Variants in SRCIN1 observed in about 807,000 individuals in gnomAD.
SRCIN1 encodes P130Cas-associated protein.
In SRCIN1, 50 loss-of-function variants were observed where a neutral mutation model predicts 116.2. The observed-to-expected ratio is 0.43, with a 90% CI of 0.34 to 0.54. SRCIN1 has a LOEUF of 0.54. Among genes scored for constraint, SRCIN1 ranks in the 20% least tolerant of loss-of-function variants. SRCIN1 has a pLI of 0.02. For missense variants in SRCIN1, 1,446 were observed against 1,672.0 expected (o/e 0.86, Z 2.36); for synonymous variants, 736 against 750.0 (o/e 0.98, Z 0.30).
At chr17:38,540,928 ATACTT>A (rs1478101563) in intron 18 of SRCIN1, among the ~76,000 whole-genome samples, 1 of 152,104 alleles carries the variant, frequency 6.6e-6, no homozygotes, top group African/African-American at 2.4e-5. Flanking sequence ...CTGCTTCTCT[ATACTT>A]TACTGTTGAA....
At chr17:38,592,786 G>C (rs751842847) in intron 1 of SRCIN1, among the ~76,000 whole-genome samples, 21 of 152,162 alleles carry the variant, frequency 1.4e-4, no homozygotes, top group Admixed American at 6.5e-4. Flanking sequence ...ATTTAGCAAG[G>C]ATCACACTGT....
chr17:38,559,123 G>C (rs2143160587), intron 10 of SRCIN1: 1 of 178,630 alleles, frequency 5.6e-6, no homozygotes, highest in East Asian at 1.6e-4. Context: ...GCTCCTGACA[G>C]GTGGGACCAT....
At position 38,559,574 on chromosome 17, in the gene SRCIN1, C is replaced by G. The variant is rs780901553; in HGVS notation, c.2025+11G>C. The G allele has an allele frequency of 1.9e-6, 3 of 1,596,212 alleles. No homozygotes were observed. The highest frequency in any genetic ancestry group is 1.7e-5 in the Admixed American group (1 of 59,596). On this transcript the variant is annotated intron_variant, in intron 10 of 18. Transcript: ENST00000617146. ...GGCGTTGGTGGGGCGGGGCCCAGGA[C>G]GGGGCGGTACCTGGAGCTTGCGCAA...
chr17:38,556,295 G>A (rs369425006), intron 11 of SRCIN1, among the ~76,000 whole-genome samples: 16 of 152,378 alleles, frequency 1.1e-4, no homozygotes, highest in African/African-American at 1.4e-4. Flanking sequence ...CCGCGTGACC[G>A]CACACGTGGC....
In SRCIN1 at chr17:38,572,768, CCGGCCGCCTCCGCAGCCG is replaced by C. The variant is rs1007254184; in HGVS notation, c.325-4555_325-4538del. 19 of 152,920 alleles carry C rather than the reference CCGGCCGCCTCCGCAGCCG, an allele frequency of 1.2e-4. No homozygotes were observed. In the East Asian group the frequency reaches 3.1e-3, roughly 25 times the overall value. 9.5% of individuals were successfully genotyped at this position (152,920 alleles called of 1,614,324 possible). A position where few individuals can be genotyped will look rare whatever the true frequency, so the allele number is the denominator to read the frequency against. Reference sequence around the variant, plus strand: ...CCACCCGCCCGGGCTCTTCTCTCCCCCGGCCGCCTCCGCAGCCGCGGCCGCCGCCGCCGGTGCCCTTTG... The same window carrying C: ...CCACCCGCCCGGGCTCTTCTCTCCCCCGGCCGCCGCCGCCGGTGCCCTTTG... On this transcript the variant is annotated intron_variant, in intron 2 of 18. Transcript: ENST00000617146. This position sits in a 1 kb window ranked among gnomAD's most constrained non-coding sequence, Gnocchi z 4.3.
In SRCIN1 at chr17:38,532,287, C is replaced by T. The variant is rs1487767276; in HGVS notation, c.*1010G>A. On this transcript the variant is annotated 3_prime_UTR_variant, in exon 19 of 19. Transcript: ENST00000617146. The surrounding 1 kb of genome is among the most constrained non-coding windows in gnomAD (Gnocchi z 4.3). The stretch of plus-strand genomic sequence containing the variant: ...TGTCTTCAGTGCTCCCCGTCAAGCC[C>T]CTCTCGACCCTCCCATTTCCCTCAA... The T allele has an allele frequency of 6.6e-6, 1 of 152,576 alleles. No homozygotes were observed. Among genetic ancestry groups the T allele is most frequent in the Non-Finnish European group, 1.5e-5 (1 of 68,072 alleles). The allele number at this position is 152,576 out of a possible 1,614,324, so 9.5% of individuals were successfully genotyped here.
At chr17:38,537,053 C>T (rs913625583) in intron 18 of SRCIN1, among the ~76,000 whole-genome samples, 3 of 152,022 alleles carry the variant, frequency 2.0e-5, no homozygotes, top group Non-Finnish European at 4.4e-5. Context: ...TGGCGTGCAC[C>T]TGTAGTCCCA....
chr17:38,562,464 G>A lies in SRCIN1; in HGVS notation c.835-136C>T, dbSNP rs1906337704. ...CTCTGCCCTCCCTCCATCCTGCTGC[G>A]TCTAGGGTCCCTTTCCCATCAGGGT... On this transcript the variant is annotated intron_variant, in intron 6 of 18. Transcript: ENST00000617146. This position sits in a 1 kb window ranked among gnomAD's most constrained non-coding sequence, Gnocchi z 4.2. 9.1e-7 allele frequency: 1 copy of A among 1,096,528 alleles called. No homozygotes were observed. Among genetic ancestry groups the A allele is most frequent in the East Asian group, 3.1e-5 (1 of 32,478 alleles). 67.9% of individuals were successfully genotyped at this position (1,096,528 alleles called of 1,614,324 possible).
At chr17:38,542,057 G>T (rs1417132346) in intron 18 of SRCIN1, 1 of 151,690 alleles carries the variant, frequency 6.6e-6, no homozygotes, top group East Asian at 1.9e-4. Context: ...AGGTGTGGGG[G>T]GGGTCTACAA....
rs777161755 is a variant in SRCIN1, at chr17:38,558,372, G to T, written c.2056C>A (p.Leu686Met). The T allele has an allele frequency of 1.2e-6, 2 of 1,605,472 alleles. No homozygotes were observed. The highest frequency in any genetic ancestry group is 1.7e-6 in the Non-Finnish European group (2 of 1,179,252). The change falls in exon 11 of 19, where the codon CTG becomes ATG. Residue 686 changes from leucine to methionine, a missense_variant. Transcript: ENST00000617146. The surrounding 1 kb of genome is among the most constrained non-coding windows in gnomAD (Gnocchi z 4.6). ...LQNQESVRAL[L>M]KRTEAELSMR... ...CTCAGCTCTGCCTCCGTGCGCTTCA[G>T]CAGCGCGCGCACCGACTCCTGGTTC... is the stretch of plus-strand genomic sequence containing the variant.
intron 15 of SRCIN1, among the ~76,000 whole-genome samples, chr17:38,550,480 A>G (rs1278194727): frequency 1.3e-5 from 2 of 152,068 alleles, no homozygotes; most frequent in African/African-American, 4.8e-5. Flanking sequence ...GGCGACAGAG[A>G]CAGACCCCGT....
Position 38,585,845 on chromosome 17 carries a change from G to A in SRCIN1, c.23-7054C>T, listed in dbSNP as rs1311814508. 6.6e-6 allele frequency among the ~76,000 whole-genome samples: 1 copy of A among 152,174 alleles called. No individual in the cohort carries two copies. The highest frequency in any genetic ancestry group is 1.5e-5 in the Non-Finnish European group (1 of 68,028). The stretch of plus-strand genomic sequence containing the variant: ...GAGATGAGGGCGTGTGATGGGGGAA[G>A]GGCGATGGGGGGAAGGAGGCAGCTG... On this transcript the variant is annotated intron_variant, in intron 1 of 18. Coordinates refer to ENST00000617146, the MANE Select transcript of SRCIN1 (RefSeq NM_025248.3). The surrounding 1 kb of genome is among the most constrained non-coding windows in gnomAD (Gnocchi z 4.2).
chr17:38,587,987 C>T (rs1036312423), intron 1 of SRCIN1, among the ~76,000 whole-genome samples: 4 of 152,024 alleles, frequency 2.6e-5, no homozygotes, highest in Non-Finnish European at 5.9e-5. Flanking sequence ...ACCACTGCAT[C>T]CACTGACTAG....
intron 1 of SRCIN1, among the ~76,000 whole-genome samples, chr17:38,598,048 C>T (rs943667989): frequency 8.5e-5 from 13 of 152,238 alleles, no homozygotes; most frequent in East Asian, 3.9e-4. Context: ...AGCCCCTTCA[C>T]GTTTTACCAA....
chr17:38,558,507 G>A lies in SRCIN1; in HGVS notation c.2026-105C>T. ...AGAGGACTGCCCAATCCAGGGCGGGGCTCTGCAGAAGAAGCGGCTGCTTGG... is the reference window on the plus strand; with the variant it reads ...AGAGGACTGCCCAATCCAGGGCGGGACTCTGCAGAAGAAGCGGCTGCTTGG... On this transcript the variant is annotated intron_variant, in intron 10 of 18. Transcript: ENST00000617146. The surrounding 1 kb of genome is among the most constrained non-coding windows in gnomAD (Gnocchi z 4.6). The A allele has an allele frequency of 1.5e-6, 2 of 1,356,686 alleles. No homozygotes were observed. The highest frequency in any genetic ancestry group is 9.8e-7 in the Non-Finnish European group (1 of 1,016,784). 84.0% of individuals were successfully genotyped at this position (1,356,686 alleles called of 1,614,324 possible). A position where few individuals can be genotyped will look rare whatever the true frequency, so the allele number is the denominator to read the frequency against.
At chr17:38,594,796 T>C (rs1202598318) in intron 1 of SRCIN1, among the ~76,000 whole-genome samples, 1 of 152,024 alleles carries the variant, frequency 6.6e-6, no homozygotes, top group African/African-American at 2.4e-5. Flanking sequence ...GACTCTCAAG[T>C]CCAATGCTCC....
rs1198827061 is a variant in SRCIN1 at position 38,558,468 on chromosome 17, G to A, written c.2026-66C>T. The A allele has an allele frequency of 2.6e-6, 4 of 1,515,462 alleles. No individual in the cohort carries two copies. The highest frequency in any genetic ancestry group is 4.9e-5 in the East Asian group (2 of 40,570). The allele number at this position is 1,515,462 out of a possible 1,614,324, so 93.9% of individuals were successfully genotyped here. The stretch of plus-strand genomic sequence containing the variant: ...GGAGCCGCGAGGCAGGGGAAGGGCC[G>A]GGAGAAGGCGGGTAGAGGACTGCCC... On this transcript the variant is annotated intron_variant, in intron 10 of 18. Transcript: ENST00000617146. The surrounding 1 kb of genome is among the most constrained non-coding windows in gnomAD (Gnocchi z 4.6).
rs372888061 is a variant in SRCIN1 at position 38,563,505 on chromosome 17, C to T, written c.558G>A (p.Gln186=). 9.7e-6 allele frequency: 15 copies of T among 1,551,326 alleles called. No individual in the cohort carries two copies. The African/African-American group carries it at 1.5e-4, about 16-fold the overall frequency. The change falls in exon 5 of 19, where the codon CAG becomes CAA. Residue 186 remains glutamine (Q), a synonymous_variant. Transcript: ENST00000617146. The surrounding 1 kb of genome is among the most constrained non-coding windows in gnomAD (Gnocchi z 5.8). ...GCACGCGCCGAGTCTCCTCCCCGAA[C>T]TGCAGGAACAGCACCCCTGCGAAGG... ...KLRSPGVLFL[Q]FGEETRRVHI...
At chr17:38,564,654 C>A (rs1171755252) in intron 3 of SRCIN1, among the ~76,000 whole-genome samples, 1 of 149,894 alleles carries the variant, frequency 6.7e-6, no homozygotes, top group Admixed American at 6.8e-5. Flanking sequence ...AGGTGAGCAG[C>A]AGAATCGTTG....
Sources: allele counts gnomAD v4.1 joint callset (sites outside exome capture counted in the v4.1 genomes callset), GRCh38; gene constraint gnomAD v4.1.1; non-coding constraint Gnocchi (gnomAD v3.1); transcripts MANE v1.5; gene names NCBI Gene and HGNC (gene_info 2026-07-23, HGNC 2026-07-21).